Variants in STXBP5 observed in about 807,000 individuals in gnomAD.
STXBP5 encodes the protein syntaxin binding protein 5.
A neutral mutation model predicts 152.4 loss-of-function variants in STXBP5; 50 were observed. The observed-to-expected ratio is 0.33, with a 90% CI of 0.26 to 0.42. The LOEUF is 0.42. STXBP5 is among the 10% of genes least tolerant of loss of function. STXBP5 has a pLI of 1.00. For synonymous variants in STXBP5, 492 were observed against 494.7 expected (o/e 0.99, Z 0.07); for missense variants, 1,167 against 1,388.6 (o/e 0.84, Z 2.54).
chr6:147,303,822 A>C (rs1022018958), intron 9 of STXBP5, among the ~76,000 whole-genome samples: 5 of 152,134 alleles, frequency 3.3e-5, no homozygotes, highest in Non-Finnish European at 7.4e-5. Context: ...CTTGTTGGAA[A>C]CTGGATCTAT....
intron 8 of STXBP5, among the ~76,000 whole-genome samples, chr6:147,282,572 C>A (rs929401232): frequency 6.6e-6 from 1 of 152,114 alleles, no homozygotes; most frequent in Non-Finnish European, 1.5e-5. Flanking sequence ...AATGACTCTG[C>A]GGTTATTTCC....
At chr6:147,240,516 C>A (rs547196476) in intron 4 of STXBP5, among the ~76,000 whole-genome samples, 1 of 151,896 alleles carries the variant, frequency 6.6e-6, no homozygotes, top group Admixed American at 6.6e-5. Flanking sequence ...GTACTTGATT[C>A]TTTTATTTTA....
At chr6:147,273,390 T>TATTGTAAATAAA in intron 7 of STXBP5, among the ~76,000 whole-genome samples, 1 of 152,034 alleles carries the variant, frequency 6.6e-6, no homozygotes, top group Non-Finnish European at 1.5e-5. Flanking sequence ...ATATTCCTTT[T>TATTGTAAATAAA]GTAGTAATCA....
At position 147,249,529 on chromosome 6, in the gene STXBP5, G is replaced by A. The variant is rs117640243; in HGVS notation, c.431+10259G>A. Among the ~76,000 whole-genome samples the A allele has an allele frequency of 4.3e-4, 66 of 152,294 alleles. 1 individual carries two copies. In the Middle Eastern group the frequency reaches 0.024, roughly 55 times the overall value. On this transcript the variant is annotated intron_variant, in intron 4 of 27. Transcript: ENST00000321680. ...AGCAGAATTGTCCCCTACACAATAG[G>A]TAAGTGATTAACTTGGATATTTAGC...
Position 147,334,201 on chromosome 6 carries a change from C to G in STXBP5, c.2125C>G (p.Arg709Gly), listed in dbSNP as rs751124208. The change falls in exon 19 of 28, where the codon CGC (arginine) becomes GGC (glycine). Residue 709 changes from arginine to glycine, a missense_variant. Physicochemically the swap from Arg to Gly is moderately radical, Grantham distance 125. Transcript: ENST00000321680. ...ISEGTVVPED[R>G]CKSPTSGSSS... ...TGAAGGGACTGTTGTTCCAGAGGAT[C>G]GCTGCAAATCTCCAACCTCTGGTAA... 2 of 1,611,734 alleles carry G rather than the reference C, an allele frequency of 1.2e-6. No homozygotes were observed. Among genetic ancestry groups the G allele is most frequent in the Non-Finnish European group, 1.7e-6 (2 of 1,179,012 alleles).
chr6:147,310,525 G>A (rs528934520), intron 10 of STXBP5, among the ~76,000 whole-genome samples: 9 of 103,144 alleles, frequency 8.7e-5, no homozygotes, highest in African/African-American at 2.9e-4. Flanking sequence ...TCATAGGAGA[G>A]AAAGTGATTG....
At chr6:147,264,514 A>G (rs532890682) in intron 6 of STXBP5, among the ~76,000 whole-genome samples, 3 of 152,224 alleles carry the variant, frequency 2.0e-5, no homozygotes, top group South Asian at 4.1e-4. Context: ...TTGAAGACCA[A>G]TTTCTTTAAT....
At chr6:147,285,923 T>C (rs1011109061) in intron 8 of STXBP5, among the ~76,000 whole-genome samples, 1 of 152,200 alleles carries the variant, frequency 6.6e-6, no homozygotes, top group African/African-American at 2.4e-5. Context: ...AATTTGTGTC[T>C]ATAATTCTAA....
chr6:147,315,504 C>A lies in STXBP5; in HGVS notation c.1403-11C>A, dbSNP rs769438364. The A allele has an allele frequency of 6.4e-7, 1 of 1,552,292 alleles. No homozygotes were observed. Among genetic ancestry groups the A allele is most frequent in the Non-Finnish European group, 8.8e-7 (1 of 1,130,432 alleles). On this transcript the variant is annotated splice_polypyrimidine_tract_variant and intron_variant, in intron 14 of 27. Transcript: ENST00000321680. ...TATTAAAGTATCTGACATATATTAT[C>A]TTTTTTCCAGTAACTCTACAAGTAT...
At chr6:147,251,234 C>G (rs776675645) in intron 4 of STXBP5, among the ~76,000 whole-genome samples, 1 of 152,072 alleles carries the variant, frequency 6.6e-6, no homozygotes, top group Non-Finnish European at 1.5e-5. Flanking sequence ...TATGGTGCCA[C>G]GAGGGACGGT....
chr6:147,281,478 C>T (rs144081564), intron 8 of STXBP5, among the ~76,000 whole-genome samples: 67 of 152,280 alleles, frequency 4.4e-4, no homozygotes, highest in Admixed American at 1.4e-3. Flanking sequence ...TTAACTGTTT[C>T]GATGGATTGA....
chr6:147,288,010 T>C lies in STXBP5; in HGVS notation c.839-3084T>C, dbSNP rs191548582. ...TCAAAGTCGGCCAGAAATGAGTGAC[T>C]GGGGCCTTCTCCTTTCCTCACTCTT... On this transcript the variant is annotated intron_variant, in intron 8 of 27. Coordinates refer to ENST00000321680, the MANE Select transcript of STXBP5 (RefSeq NM_001127715.4). Among the ~76,000 whole-genome samples, 224 of 152,140 alleles carry C rather than the reference T, an allele frequency of 1.5e-3. 1 individual carries two copies. Among genetic ancestry groups the C allele is most frequent in the Middle Eastern group, 3.4e-3 (1 of 294 alleles).
Position 147,350,531 on chromosome 6 carries a change from T to G in STXBP5, c.2255-2792T>G, listed in dbSNP as rs569539238. Among the ~76,000 whole-genome samples the G allele has an allele frequency of 2.0e-5, 3 of 152,310 alleles. No individual in the cohort carries two copies. The South Asian group carries it at 6.2e-4, about 32-fold the overall frequency. ...TCTTATAAATCACTGAAGTTATTAC[T>G]CTTTGTTTAGCCATATATATTTAGT... On this transcript the variant is annotated intron_variant, in intron 21 of 27. Transcript: ENST00000321680.
intron 8 of STXBP5, among the ~76,000 whole-genome samples, chr6:147,284,623 G>A (rs778395182): frequency 6.6e-6 from 1 of 152,218 alleles, no homozygotes; most frequent in Non-Finnish European, 1.5e-5. Context: ...TGGTCTTAAA[G>A]GATGATACTG....
intron 3 of STXBP5, 94 bp downstream of exon 3, chr6:147,235,425 A>T (rs1778222247): frequency 1.0e-6 from 1 of 962,754 alleles, no homozygotes; most frequent in Admixed American, 2.4e-5. Flanking sequence ...ATTTATTTAC[A>T]TATTTGAACA....
chr6:147,252,044 AG>A (rs886287441), intron 4 of STXBP5, among the ~76,000 whole-genome samples: 1 of 152,234 alleles, frequency 6.6e-6, no homozygotes, highest in Non-Finnish European at 1.5e-5. Context: ...ATCAACAAAA[AG>A]GGCATCCACA....
rs189590949 is a variant in STXBP5, at chr6:147,380,635, G to A, written c.3194-2143G>A. 3.0e-3 allele frequency among the ~76,000 whole-genome samples: 455 copies of A among 149,794 alleles called. 5 individuals carry two copies. Among genetic ancestry groups the A allele is most frequent in the Non-Finnish European group, 3.0e-3 (205 of 67,466 alleles). The stretch of plus-strand genomic sequence containing the variant: ...CTAAGATATGACACCTAAATCACAA[G>A]CAACCAAAGGAAAAAAAAAAGATTG... On this transcript the variant is annotated intron_variant, in intron 26 of 27. Coordinates refer to ENST00000321680, the MANE Select transcript of STXBP5 (RefSeq NM_001127715.4).
At chr6:147,300,008 A>G (rs74966121) in intron 9 of STXBP5, among the ~76,000 whole-genome samples, 12,597 of 152,108 alleles carry the variant, frequency 0.083, 759 homozygotes, top group East Asian at 0.3. Flanking sequence ...TAACATTTCT[A>G]TATGCTAATA....
At chr6:147,369,095 C>T (rs1785427435) in intron 25 of STXBP5, among the ~76,000 whole-genome samples, 1 of 151,816 alleles carries the variant, frequency 6.6e-6, no homozygotes, top group Non-Finnish European at 1.5e-5. Flanking sequence ...TATAAAGCTG[C>T]AGTAATCAGT....
Sources: gnomAD v4.1 joint callset for allele counts (sites outside exome capture counted in the v4.1 genomes callset) on GRCh38, gnomAD v4.1.1 for gene constraint, MANE v1.5 for transcripts, NCBI Gene and HGNC (gene_info 2026-07-23, HGNC 2026-07-21) for gene names.